The following SEC23A variants were observed in gnomAD, a reference collection of about 807,000 sequenced individuals.
SEC23A encodes SEC23 homolog A, COPII component.
SEC23A carries 56 observed loss-of-function variants against 103.7 expected under a neutral mutation model. The observed-to-expected ratio is 0.54, with a 90% CI of 0.44 to 0.67. The LOEUF (loss-of-function observed/expected upper bound fraction) is 0.67, where lower values mean the gene tolerates loss of function less well. Ranked by LOEUF, SEC23A falls within the 30% of genes least tolerant of loss-of-function variation. The pLI is 0.00. For synonymous variants in SEC23A, 281 were observed against 293.0 expected (o/e 0.96, Z 0.42); for missense variants, 784 against 936.4 (o/e 0.84, Z 2.12).
intron 7 of SEC23A, among the ~76,000 whole-genome samples, chr14:39,080,769 T>G (rs1251494725): frequency 1.3e-5 from 2 of 152,032 alleles, no homozygotes; most frequent in African/African-American, 2.4e-5. Context: ...AAGACAACTT[T>G]ATAGGAAAAA....
At chr14:39,059,278 TAAAAAAAAAAAAAAAAAAA>T (rs750853379) in intron 13 of SEC23A, among the ~76,000 whole-genome samples, 10,381 of 72,332 alleles carry the variant, frequency 0.14, 870 homozygotes, top group Non-Finnish European at 0.18. Flanking sequence ...AGTCCTAGTT[TAAAAAAAAAAAAAAAAAAA>T]AAAAAAAAAA....
At chr14:39,046,902 C>T (rs1012584047) in intron 15 of SEC23A, among the ~76,000 whole-genome samples, 3 of 152,164 alleles carry the variant, frequency 2.0e-5, no homozygotes, top group African/African-American at 4.8e-5. Flanking sequence ...ATATGTTGCT[C>T]CTGCCTGGGA....
At chr14:39,077,916 G>C (rs886080348) in intron 7 of SEC23A, among the ~76,000 whole-genome samples, 1 of 152,186 alleles carries the variant, frequency 6.6e-6, no homozygotes, top group South Asian at 2.1e-4. Flanking sequence ...CAGGATGACA[G>C]AGTGAGACAC....
At chr14:39,054,986 A>G (rs542311577) in intron 14 of SEC23A, among the ~76,000 whole-genome samples, 157 bp downstream of exon 14, 59 of 152,350 alleles carry the variant, frequency 3.9e-4, no homozygotes, top group African/African-American at 1.1e-3. Flanking sequence ...GAGTTCTACT[A>G]TTCATTACTG....
At chr14:39,036,320 C>CAA (rs59018206) in intron 19 of SEC23A, among the ~76,000 whole-genome samples, 1,788 of 69,514 alleles carry the variant, frequency 0.026, 182 homozygotes, top group African/African-American at 0.049. Flanking sequence ...GACTCCGTCT[C>CAA]AAAAAAAAAA....
intron 12 of SEC23A, among the ~76,000 whole-genome samples, chr14:39,062,247 C>T (rs117630884): frequency 9.9e-5 from 15 of 152,192 alleles, no homozygotes; most frequent in African/African-American, 3.1e-4. Flanking sequence ...GCTTGGGACC[C>T]GAAATGTTTT....
chr14:39,092,835 G>T, intron 3 of SEC23A: 2 of 536,088 alleles, frequency 3.7e-6, no homozygotes, highest in South Asian at 2.3e-5. Context: ...GATGTTTTAT[G>T]GGTTTTTTTT....
intron 15 of SEC23A, chr14:39,047,348 A>T (rs1313978463): frequency 1.6e-6 from 2 of 1,271,266 alleles, no homozygotes; most frequent in South Asian, 2.5e-5. Flanking sequence ...AAAATGACAA[A>T]ACAAAGAATT....
Position 39,033,031 on chromosome 14 carries a change from G to A in SEC23A, c.*208C>T, listed in dbSNP as rs1011102186. 1 of 571,228 alleles carries A rather than the reference G, an allele frequency of 1.8e-6. No individual in the cohort carries two copies. The highest frequency in any genetic ancestry group is 3.0e-5 in the Admixed American group (1 of 32,918). 35.4% of individuals were successfully genotyped at this position (571,228 alleles called of 1,614,324 possible). A position where few individuals can be genotyped will look rare whatever the true frequency, so the allele number is the denominator to read the frequency against. ...TTCTAGAACCAGCTATAACACTGTG[G>A]TAAGCAAAATAAATTTGTTCTTATT... On this transcript the variant is annotated 3_prime_UTR_variant, in exon 20 of 20. Transcript: ENST00000307712.
At chr14:39,095,663 T>G (rs1887860281) in intron 2 of SEC23A, among the ~76,000 whole-genome samples, 2 of 152,174 alleles carry the variant, frequency 1.3e-5, no homozygotes. Flanking sequence ...CAGAAGACAC[T>G]GATGGAATCT....
chr14:39,060,522 T>G (rs1886439130), intron 13 of SEC23A, among the ~76,000 whole-genome samples: 1 of 152,132 alleles, frequency 6.6e-6, no homozygotes, highest in African/African-American at 2.4e-5. Flanking sequence ...GATCAACACT[T>G]TTCCTATCCA....
intron 9 of SEC23A, among the ~76,000 whole-genome samples, chr14:39,073,734 C>T (rs1004170468): frequency 3.4e-5 from 5 of 148,158 alleles, no homozygotes; most frequent in Admixed American, 1.4e-4. Flanking sequence ...CTCAGCCTAC[C>T]GAGTAGCTGG....
At chr14:39,043,009 C>T in intron 16 of SEC23A, 137 bp from the exon 17 acceptor site, 1 of 610,612 alleles carries the variant, frequency 1.6e-6, no homozygotes, top group Non-Finnish European at 2.8e-6. Context: ...AAGGGTCTTG[C>T]TCTGTCACCT....
intron 3 of SEC23A, 180 bp from the exon 4 acceptor site, chr14:39,092,807 G>T: frequency 1.8e-6 from 1 of 564,828 alleles, no homozygotes; most frequent in South Asian, 2.3e-5. Flanking sequence ...TAGTATTTTG[G>T]CATTAACATC....
At chr14:39,065,560 G>A (rs6571890) in intron 10 of SEC23A, among the ~76,000 whole-genome samples, 141,106 of 152,230 alleles carry the variant, frequency 0.93, 65,501 homozygotes, top group East Asian at 0.97. Flanking sequence ...AGCTCCCACA[G>A]ATTTAAGCTA....
intron 16 of SEC23A, among the ~76,000 whole-genome samples, chr14:39,044,111 T>C (rs1020667913): frequency 5.9e-5 from 9 of 152,126 alleles, no homozygotes; most frequent in African/African-American, 2.2e-4. Context: ...AGTAATTATA[T>C]AGAACAGAAA....
intron 9 of SEC23A, among the ~76,000 whole-genome samples, chr14:39,069,538 C>T (rs1228487681): frequency 6.6e-6 from 1 of 152,140 alleles, no homozygotes; most frequent in Non-Finnish European, 1.5e-5. Context: ...TGGCTCACCA[C>T]AGCCTCGACT....
intron 5 of SEC23A, among the ~76,000 whole-genome samples, chr14:39,090,681 C>T (rs1383324735): frequency 6.6e-6 from 1 of 152,172 alleles, no homozygotes; most frequent in Non-Finnish European, 1.5e-5. Context: ...AAGCCAAGAC[C>T]ACACTGGGGT....
chr14:39,092,877 T>C (rs1328412537), intron 3 of SEC23A: 3 of 505,518 alleles, frequency 5.9e-6, no homozygotes, highest in Non-Finnish European at 1.0e-5. Context: ...TGTTTGTTTG[T>C]TTTTGAGACG....
Sources: allele counts gnomAD v4.1 joint callset (sites outside exome capture counted in the v4.1 genomes callset), GRCh38; gene constraint gnomAD v4.1.1; transcripts MANE v1.5; gene names NCBI Gene and HGNC (gene_info 2026-07-23, HGNC 2026-07-21).